The following RNPS1 variants were observed in gnomAD, a reference collection of about 807,000 sequenced individuals.
The protein encoded by RNPS1 is RNA-binding protein with serine-rich domain 1.
For synonymous variants in RNPS1, 147 were observed against 150.0 expected (o/e 0.98, Z 0.15); for missense variants, 300 against 427.6 (o/e 0.70, Z 2.63).
Position 2,253,123 on chromosome 16 carries a change from G to C in RNPS1, c.*841C>G, listed in dbSNP as rs964447696. 1 of 152,640 alleles carries C rather than the reference G, an allele frequency of 6.6e-6. No homozygotes were observed. The highest frequency in any genetic ancestry group is 2.1e-4 in the South Asian group (1 of 4,824). 9.5% of individuals were successfully genotyped at this position (152,640 alleles called of 1,614,324 possible). On this transcript the variant is annotated 3_prime_UTR_variant, in exon 8 of 8. Transcript: ENST00000320225. ...AGGCAGTGAACCCAGAACTAGATTTGCATTCCGATCTTGGGTTTATTCAAC... is the reference window on the plus strand; with the variant it reads ...AGGCAGTGAACCCAGAACTAGATTTCCATTCCGATCTTGGGTTTATTCAAC...
chr16:2,261,580 G>A (rs1210076155), intron 6 of RNPS1, among the ~76,000 whole-genome samples: 2 of 152,224 alleles, frequency 1.3e-5, no homozygotes, highest in African/African-American at 4.8e-5. Context: ...ACTAACGCAG[G>A]CCTCTGTAAC....
chr16:2,266,558 T>A (rs1432184114), intron 1 of RNPS1: 1 of 981,878 alleles, frequency 1.0e-6, no homozygotes. Flanking sequence ...GGGCATTAAT[T>A]AAAGACTCGA....
intron 5 of RNPS1, 41 bp downstream of exon 5, chr16:2,262,699 T>TC (rs750607948): frequency 1.9e-6 from 3 of 1,548,356 alleles, no homozygotes; most frequent in Non-Finnish European, 2.7e-6. Flanking sequence ...GGCCTGCTTG[T>TC]CCACACCCCA....
In RNPS1 at chr16:2,253,958, G is replaced by A; in HGVS notation, c.*6C>T. The A allele has an allele frequency of 6.4e-7, 1 of 1,554,500 alleles. No individual in the cohort carries two copies. The highest frequency in any genetic ancestry group is 2.4e-5 in the East Asian group (1 of 41,260). ...AGTTACAGGGGCGAGAGCTTCAGTG[G>A]CCTGTTTATCGGGAGGAGTTGGAGC... is the stretch of plus-strand genomic sequence containing the variant. On this transcript the variant is annotated 3_prime_UTR_variant, in exon 8 of 8. Transcript: ENST00000320225.
At position 2,264,724 on chromosome 16, in the gene RNPS1, G is replaced by A. The variant is rs1228530810; in HGVS notation, c.-81C>T. On this transcript the variant is annotated 5_prime_UTR_variant, in exon 2 of 8. Coordinates refer to ENST00000320225, the MANE Select transcript of RNPS1 (RefSeq NM_080594.4). Reference sequence around the variant, plus strand: ...CACTTCTAACTTGATTCTGAGAAACGATCCCTAATCGATTGCAATTTACGC... The same window carrying A: ...CACTTCTAACTTGATTCTGAGAAACAATCCCTAATCGATTGCAATTTACGC... The A allele has an allele frequency of 9.4e-6, 15 of 1,588,524 alleles. No homozygotes were observed. Among genetic ancestry groups the A allele is most frequent in the East Asian group, 2.2e-5 (1 of 44,698 alleles).
chr16:2,264,002 T>C lies in RNPS1; in HGVS notation c.227+174A>G. 3 of 739,208 alleles carry C rather than the reference T, an allele frequency of 4.1e-6. No homozygotes were observed. In the South Asian group the frequency reaches 5.6e-5, roughly 14 times the overall value. 45.8% of individuals were successfully genotyped at this position (739,208 alleles called of 1,614,324 possible). A position where few individuals can be genotyped will look rare whatever the true frequency, so the allele number is the denominator to read the frequency against. On this transcript the variant is annotated intron_variant, in intron 3 of 7. Transcript: ENST00000320225. Reference sequence around the variant, plus strand: ...GCCTCGGCCTCCCAAAGTGCTGGGATTATAGGCATGAGCCACCACTGCACC... The same window carrying C: ...GCCTCGGCCTCCCAAAGTGCTGGGACTATAGGCATGAGCCACCACTGCACC...
Position 2,262,228 on chromosome 16 carries a change from C to T in RNPS1, c.676+50G>A, listed in dbSNP as rs139004386. ...GTTGGAAATCAGTTTGAAAGCCCCT[C>T]GCGGCGGCGGGTCTCTGAGAGGTCA... is the stretch of plus-strand genomic sequence containing the variant. On this transcript the variant is annotated intron_variant, in intron 6 of 7. Transcript: ENST00000320225. The T allele has an allele frequency of 1.3e-4, 208 of 1,571,000 alleles. No homozygotes were observed. In the African/African-American group the frequency reaches 2.5e-3, roughly 19 times the overall value.
intron 1 of RNPS1, 137 bp from the exon 2 acceptor site, chr16:2,264,897 C>T (rs2093618999): frequency 1.7e-6 from 1 of 596,538 alleles, no homozygotes; most frequent in African/African-American, 1.9e-5. Context: ...GTCAGGAACA[C>T]ATAGGGACAG....
intron 6 of RNPS1, among the ~76,000 whole-genome samples, chr16:2,259,779 C>T (rs375527815): frequency 6.6e-6 from 1 of 152,184 alleles, no homozygotes; most frequent in Non-Finnish European, 1.5e-5. Flanking sequence ...GTCCCAGCTA[C>T]TCGAGAGGCT....
chr16:2,260,470 T>C (rs2093598590), intron 6 of RNPS1, among the ~76,000 whole-genome samples: 1 of 152,192 alleles, frequency 6.6e-6, no homozygotes, highest in Non-Finnish European at 1.5e-5. Flanking sequence ...GCAATAAAAA[T>C]CCGTTTTCTT....
At chr16:2,262,696 T>C (rs1196887650) in intron 5 of RNPS1, 44 bp downstream of exon 5, 21 of 1,532,862 alleles carry the variant, frequency 1.4e-5, no homozygotes, top group Non-Finnish European at 9.0e-7. Context: ...ACAGGCCTGC[T>C]TGTCCACACC....
chr16:2,262,927 G>C, intron 4 of RNPS1, 85 bp from the exon 5 acceptor site: 2 of 1,337,064 alleles, frequency 1.5e-6, no homozygotes. Flanking sequence ...TTATCTGCTT[G>C]TGTGACAGTT....
chr16:2,261,826 A>G (rs1460607363), intron 6 of RNPS1, among the ~76,000 whole-genome samples: 7 of 152,220 alleles, frequency 4.6e-5, no homozygotes, highest in Non-Finnish European at 1.0e-4. Context: ...TTACCCCAGC[A>G]CTCACAGCCA....
chr16:2,268,109 C>T lies in RNPS1; in HGVS notation c.-172G>A, dbSNP rs193179256. ...TTTCCTCAGCCGCCGAGGCCGGCGC[C>T]GCTCTGACGTCAGAGTCAAGGAGCG... On this transcript the variant is annotated 5_prime_UTR_variant, in exon 1 of 8. Coordinates refer to ENST00000320225, the MANE Select transcript of RNPS1 (RefSeq NM_080594.4). The T allele has an allele frequency of 5.3e-5, 82 of 1,534,764 alleles. No individual in the cohort carries two copies. The East Asian group carries it at 1.1e-3, about 21-fold the overall frequency.
chr16:2,268,115 G>C lies in RNPS1; in HGVS notation c.-178C>G. 3 of 1,534,408 alleles carry C rather than the reference G, an allele frequency of 2.0e-6. No individual in the cohort carries two copies. Among genetic ancestry groups the C allele is most frequent in the Non-Finnish European group, 2.6e-6 (3 of 1,145,896 alleles). On this transcript the variant is annotated 5_prime_UTR_variant, in exon 1 of 8. Coordinates refer to ENST00000320225, the MANE Select transcript of RNPS1 (RefSeq NM_080594.4). The stretch of plus-strand genomic sequence containing the variant: ...CAGCCGCCGAGGCCGGCGCCGCTCT[G>C]ACGTCAGAGTCAAGGAGCGGGAAGT...
At chr16:2,256,538 A>ACAACTGAGACTC (rs2093579238) in intron 6 of RNPS1, 1 of 152,360 alleles carries the variant, frequency 6.6e-6, no homozygotes, top group African/African-American at 2.4e-5. Context: ...AGCCTGGGCA[A>ACAACTGAGACTC]CAACTGAGAC....
rs528383574 is a variant in RNPS1, at chr16:2,259,651, A to T, written c.676+2627T>A. On this transcript the variant is annotated intron_variant, in intron 6 of 7. Coordinates refer to ENST00000320225, the MANE Select transcript of RNPS1 (RefSeq NM_080594.4). ...ACGCCTGTAATCCCAGCACTTTGGG[A>T]GGCTGAGGCGGGCGGATCACGAGGT... 8.1e-4 allele frequency among the ~76,000 whole-genome samples: 124 copies of T among 152,328 alleles called. 1 individual carries two copies. In the South Asian group the frequency reaches 0.015, roughly 18 times the overall value.
At chr16:2,261,751 C>G (rs1596808963) in intron 6 of RNPS1, among the ~76,000 whole-genome samples, 1 of 152,182 alleles carries the variant, frequency 6.6e-6, no homozygotes. Context: ...TAGGATTAAG[C>G]CAGTTTTATT....
intron 3 of RNPS1, chr16:2,263,916 G>A (rs2093613981): frequency 1.8e-5 from 5 of 281,192 alleles, no homozygotes; most frequent in South Asian, 8.1e-5. Context: ...TTTTTGTAGA[G>A]ACGAGCTCTT....
Sources: allele counts gnomAD v4.1 joint callset (sites outside exome capture counted in the v4.1 genomes callset), GRCh38; gene constraint gnomAD v4.1.1; transcripts MANE v1.5; gene names NCBI Gene and HGNC (gene_info 2026-07-23, HGNC 2026-07-21).